The following CEP83 variants were observed in gnomAD, a reference collection of about 807,000 sequenced individuals.
CEP83 encodes centrosomal protein 83.
In CEP83, 70 loss-of-function variants were observed where a neutral mutation model predicts 101.9. The observed-to-expected ratio is 0.69, with a 90% confidence interval of 0.57 to 0.84. The LOEUF is 0.84. CEP83 is among the 40% of genes least tolerant of loss of function. The probability of loss-of-function intolerance (pLI) is 0.00; values close to 1 mark genes in which losing one functional copy is unlikely to be tolerated. For synonymous variants in CEP83, 264 were observed against 267.9 expected (o/e 0.99, Z 0.14); for missense variants, 715 against 787.2 (o/e 0.91, Z 1.10).
At chr12:94,444,150 G>A (rs868197635) in intron 1 of CEP83, among the ~76,000 whole-genome samples, 1 of 152,204 alleles carries the variant, frequency 6.6e-6, no homozygotes, top group African/African-American at 2.4e-5. Context: ...CGTAATTCCA[G>A]TACTTTGGGA....
At chr12:94,424,663 T>C in intron 2 of CEP83, 3 of 1,613,526 alleles carry the variant, frequency 1.9e-6, no homozygotes, top group Non-Finnish European at 2.5e-6. Context: ...TGTCAAAATC[T>C]ACAAAGCCAT....
chr12:94,417,388 T>C (rs1401269648), intron 2 of CEP83, among the ~76,000 whole-genome samples: 3 of 152,036 alleles, frequency 2.0e-5, no homozygotes, highest in African/African-American at 7.2e-5. Flanking sequence ...CAAGGTAGTA[T>C]GCCCTCTTTC....
intron 2 of CEP83, among the ~76,000 whole-genome samples, chr12:94,415,856 A>G (rs2064228275): frequency 6.6e-6 from 1 of 152,154 alleles, no homozygotes; most frequent in African/African-American, 2.4e-5. Context: ...ATGCTGACCT[A>G]ACTGACATAT....
chr12:94,424,155 T>A (rs2138048753), intron 2 of CEP83: 2 of 1,603,278 alleles, frequency 1.2e-6, no homozygotes, highest in South Asian at 2.2e-5. Context: ...GCAAGCATCC[T>A]GTTGGGGGTG....
chr12:94,452,013 A>C (rs2067290052), intron 1 of CEP83, among the ~76,000 whole-genome samples: 1 of 152,210 alleles, frequency 6.6e-6, no homozygotes, highest in Admixed American at 6.5e-5. Flanking sequence ...ATACTATGCA[A>C]CAATTAAAAA....
At chr12:94,440,015 C>T (rs566317219) in intron 1 of CEP83, among the ~76,000 whole-genome samples, 13 of 152,218 alleles carry the variant, frequency 8.5e-5, no homozygotes, top group Admixed American at 3.3e-4. Flanking sequence ...TCTGCAACAT[C>T]GGCATAGAAG....
chr12:94,343,182 A>C (rs1183862414), intron 11 of CEP83, among the ~76,000 whole-genome samples: 1 of 151,928 alleles, frequency 6.6e-6, no homozygotes, highest in African/African-American at 2.4e-5. Flanking sequence ...TACGTAACAC[A>C]ATAACTGACA....
intron 2 of CEP83, among the ~76,000 whole-genome samples, chr12:94,415,840 T>C (rs1296459973): frequency 2.6e-5 from 4 of 151,996 alleles, no homozygotes; most frequent in Admixed American, 6.6e-5. Context: ...AACAACACAA[T>C]TAACCATGCT....
the CEP83 span, among the ~76,000 whole-genome samples, chr12:94,284,468 C>T: frequency 5.3e-5 from 8 of 152,166 alleles, no homozygotes; most frequent in Admixed American, 2.6e-4. Context: ...CGTCTTATAA[C>T]AGTGAAAGGC....
chr12:94,307,680 GTCTT>G (rs1000919265), downstream of CEP83: 3 of 89,278 alleles, frequency 3.4e-5, no homozygotes, highest in East Asian at 4.4e-4. Context: ...ACTGTGGACT[GTCTT>G]TTTTTTTTTT....
intron 14 of CEP83, among the ~76,000 whole-genome samples, chr12:94,322,447 G>A (rs780391648): frequency 2.0e-4 from 30 of 152,316 alleles, no homozygotes; most frequent in Non-Finnish European, 3.2e-4. Flanking sequence ...CTTTTTCATA[G>A]AGCAGTTGTG....
chr12:94,393,523 T>A (rs1033356475), intron 6 of CEP83, among the ~76,000 whole-genome samples: 3 of 152,226 alleles, frequency 2.0e-5, no homozygotes, highest in African/African-American at 7.2e-5. Context: ...AATATCATAC[T>A]GAATGGGCAA....
chr12:94,365,074 C>T (rs1593440506), intron 11 of CEP83, among the ~76,000 whole-genome samples: 1 of 152,028 alleles, frequency 6.6e-6, no homozygotes, highest in African/African-American at 2.4e-5. Flanking sequence ...ACTGCTGACA[C>T]ACACTGGCAG....
intron 2 of CEP83, chr12:94,424,959 A>G: frequency 6.7e-7 from 1 of 1,487,988 alleles, no homozygotes. Context: ...GAAGTCACGG[A>G]TAGCAGCATT....
the CEP83 span, among the ~76,000 whole-genome samples, chr12:94,286,859 T>C: frequency 5.3e-5 from 8 of 152,202 alleles, no homozygotes; most frequent in East Asian, 1.5e-3. Flanking sequence ...GTCTGAATGA[T>C]TTACTCTCAG....
chr12:94,274,155 T>TAAAAAAAAAAAAA, the CEP83 span, among the ~76,000 whole-genome samples: 38 of 45,366 alleles, frequency 8.4e-4, 1 homozygote, highest in East Asian at 2.1e-3. Context: ...ACCCTGTCTC[T>TAAAAAAAAAAAAA]AAAAAAAAAA....
chr12:94,374,859 G>C (rs1398165848), intron 8 of CEP83, among the ~76,000 whole-genome samples: 2 of 152,116 alleles, frequency 1.3e-5, no homozygotes, highest in African/African-American at 2.4e-5. Context: ...CTGTAATGTA[G>C]GTATTAGTCC....
intron 1 of CEP83, among the ~76,000 whole-genome samples, chr12:94,458,564 C>T (rs573324969): frequency 8.5e-5 from 13 of 152,150 alleles, no homozygotes; most frequent in African/African-American, 3.1e-4. Flanking sequence ...CATGGTGAAA[C>T]CCCATCTCTA....
chr12:94,437,174 A>C (rs2138301757), intron 1 of CEP83, among the ~76,000 whole-genome samples: 1 of 151,194 alleles, frequency 6.6e-6, no homozygotes, highest in Middle Eastern at 3.4e-3. Flanking sequence ...TGAAACCCCA[A>C]CTAAACTAAA....
Sources: gnomAD v4.1 joint callset for allele counts (sites outside exome capture counted in the v4.1 genomes callset) on GRCh38, gnomAD v4.1.1 for gene constraint, MANE v1.5 for transcripts, NCBI Gene and HGNC (gene_info 2026-07-23, HGNC 2026-07-21) for gene names.